The following RHOT1 variants were observed in gnomAD, a reference collection of about 807,000 sequenced individuals.
RHOT1 encodes ras homolog family member T1, also known as mitochondrial Rho GTPase 1.
RHOT1 carries 27 observed loss-of-function variants against 95.3 expected under a neutral mutation model. That is an observed-to-expected ratio of 0.28 (90% confidence interval 0.21 to 0.39). The LOEUF (loss-of-function observed/expected upper bound fraction) is 0.39. RHOT1 is among the 10% of genes least tolerant of loss of function. The pLI is 1.00. For synonymous variants in RHOT1, 227 were observed against 263.5 expected (o/e 0.86, Z 1.34); for missense variants, 578 against 786.7 (o/e 0.73, Z 3.17).
chr17:32,186,257 T>C (rs2036042500), intron 8 of RHOT1, among the ~76,000 whole-genome samples: 1 of 152,184 alleles, frequency 6.6e-6, no homozygotes, highest in African/African-American at 2.4e-5. Context: ...GATCTCATTG[T>C]TTTGATTTGC....
At chr17:32,188,317 T>A (rs1445825278) in intron 8 of RHOT1, among the ~76,000 whole-genome samples, 3 of 152,244 alleles carry the variant, frequency 2.0e-5, no homozygotes, top group Non-Finnish European at 4.4e-5. Context: ...ATTTCCATAT[T>A]TTGTAATCCA....
chr17:32,149,629 A>ATGTGTGTGTGTG (rs1204046813), intron 1 of RHOT1, among the ~76,000 whole-genome samples: 38 of 87,430 alleles, frequency 4.3e-4, no homozygotes, highest in East Asian at 4.1e-3. Flanking sequence ...ATATATATAT[A>ATGTGTGTGTGTG]TATATATGTG....
intron 13 of RHOT1, 79 bp downstream of exon 13, chr17:32,199,629 A>G (rs2037163658): frequency 8.2e-7 from 1 of 1,226,044 alleles, no homozygotes; most frequent in East Asian, 2.6e-5. Flanking sequence ...TCACTTTGTA[A>G]GCTTGTGAGG....
intron 1 of RHOT1, among the ~76,000 whole-genome samples, chr17:32,149,619 A>ATGTGTGTGTGTGTGTGTGTGTG (rs1422165602): frequency 1.1e-5 from 1 of 88,946 alleles, no homozygotes; most frequent in African/African-American, 5.7e-5. Flanking sequence ...ATATATATAT[A>ATGTGTGTGTGTGTGTGTGTGTG]TATATATATA....
At chr17:32,183,145 C>G (rs1598382666) in intron 7 of RHOT1, 26 bp from the exon 8 acceptor site, 3 of 1,518,262 alleles carry the variant, frequency 2.0e-6, no homozygotes, top group East Asian at 2.3e-5. Context: ...TAATTGATTT[C>G]AGAGTGTAAA....
intron 1 of RHOT1, among the ~76,000 whole-genome samples, chr17:32,148,133 C>T (rs894953319): frequency 5.9e-5 from 9 of 152,066 alleles, no homozygotes; most frequent in Non-Finnish European, 1.3e-4. Flanking sequence ...GGCGTGGTGG[C>T]AGGTGCCTGT....
At chr17:32,215,625 G>A (rs2038423966) in intron 19 of RHOT1, among the ~76,000 whole-genome samples, 2 of 152,162 alleles carry the variant, frequency 1.3e-5, no homozygotes, top group Admixed American at 6.5e-5. Flanking sequence ...AATTTAGGCA[G>A]TTTCAAGAGG....
chr17:32,185,510 G>T (rs1409809213), intron 8 of RHOT1, among the ~76,000 whole-genome samples: 1 of 151,900 alleles, frequency 6.6e-6, no homozygotes. Flanking sequence ...TGGCTTCAAC[G>T]ATCCTCCCAC....
chr17:32,155,157 G>A (rs1433828284), intron 1 of RHOT1, among the ~76,000 whole-genome samples: 5 of 152,098 alleles, frequency 3.3e-5, no homozygotes, highest in African/African-American at 1.2e-4. Context: ...AGCATTAAAT[G>A]CATTCTCTTT....
At chr17:32,167,674 T>C (rs937641551) in intron 1 of RHOT1, among the ~76,000 whole-genome samples, 2 of 152,234 alleles carry the variant, frequency 1.3e-5, no homozygotes, top group Non-Finnish European at 2.9e-5. Flanking sequence ...CCTATCCTTT[T>C]AAGCATTGAA....
chr17:32,163,740 A>G (rs2033781991), intron 1 of RHOT1, among the ~76,000 whole-genome samples: 1 of 151,306 alleles, frequency 6.6e-6, no homozygotes, highest in Non-Finnish European at 1.5e-5. Flanking sequence ...AAAAAAAAAG[A>G]AAGGGAAAAA....
In RHOT1 at chr17:32,152,948, T is replaced by C. The variant is rs140346082; in HGVS notation, c.37+10219T>C. Among the ~76,000 whole-genome samples, 190 of 152,246 alleles carry C rather than the reference T, an allele frequency of 1.2e-3. 1 individual carries two copies. Among genetic ancestry groups the C allele is most frequent in the Middle Eastern group, 3.4e-3 (1 of 294 alleles). ...CCTTCCGAATACCTGCATATAGGCA[T>C]GCATCGCCATGCCTGGCTAATTTTT... On this transcript the variant is annotated intron_variant, in intron 1 of 19. Transcript: ENST00000545287.
At chr17:32,157,633 G>A (rs941092952) in intron 1 of RHOT1, among the ~76,000 whole-genome samples, 8 of 151,996 alleles carry the variant, frequency 5.3e-5, no homozygotes, top group African/African-American at 1.9e-4. Context: ...GTGAAACCCC[G>A]TTTCTACTAA....
At chr17:32,144,536 G>GA (rs889148433) in intron 1 of RHOT1, among the ~76,000 whole-genome samples, 68 of 151,398 alleles carry the variant, frequency 4.5e-4, no homozygotes, top group African/African-American at 1.6e-3. Flanking sequence ...GACTCTGTCT[G>GA]AAAAAAAACC....
intron 19 of RHOT1, among the ~76,000 whole-genome samples, chr17:32,222,437 G>A (rs1405757239): frequency 6.6e-6 from 1 of 152,076 alleles, no homozygotes; most frequent in Non-Finnish European, 1.5e-5. Flanking sequence ...TATGGTATTG[G>A]TTTAAAGGAC....
At chr17:32,196,557 C>T (rs1036447377) in intron 11 of RHOT1, among the ~76,000 whole-genome samples, 5 of 152,158 alleles carry the variant, frequency 3.3e-5, no homozygotes, top group African/African-American at 1.2e-4. Context: ...ATGCACACTC[C>T]CTGCCTTCAT....
chr17:32,149,635 A>ATATATATATATATATATATATGTGTG (rs1445281403), intron 1 of RHOT1, among the ~76,000 whole-genome samples: 1 of 59,076 alleles, frequency 1.7e-5, no homozygotes, highest in Non-Finnish European at 3.4e-5. Context: ...ATATATATAT[A>ATATATATATATATATATATATGTGTG]TGTGTGTGTG....
chr17:32,154,586 C>CAAA (rs1022159247), intron 1 of RHOT1, among the ~76,000 whole-genome samples: 2 of 61,734 alleles, frequency 3.2e-5, no homozygotes, highest in Non-Finnish European at 3.1e-5. Context: ...GGCTCCATCT[C>CAAA]AAAAAAAAAA....
At chr17:32,155,960 A>G (rs2032926041) in intron 1 of RHOT1, among the ~76,000 whole-genome samples, 1 of 152,214 alleles carries the variant, frequency 6.6e-6, no homozygotes, top group Admixed American at 6.5e-5. Flanking sequence ...TGGAATCAGG[A>G]TGTACTACTA....
Sources: allele counts gnomAD v4.1 joint callset (sites outside exome capture counted in the v4.1 genomes callset), GRCh38; gene constraint gnomAD v4.1.1; transcripts MANE v1.5; gene names NCBI Gene and HGNC (gene_info 2026-07-23, HGNC 2026-07-21).